SPAG9: variants seen among roughly 807,000 people sequenced by gnomAD.
SPAG9 encodes the protein sperm associated antigen 9.
SPAG9 carries 35 observed loss-of-function variants against 166.5 expected under a neutral mutation model. The observed-to-expected ratio is 0.21, with a 90% CI of 0.16 to 0.28. SPAG9 has a LOEUF of 0.28. Among genes scored for constraint, SPAG9 ranks in the 10% least tolerant of loss-of-function variants. The probability of loss-of-function intolerance (pLI) is 1.00; values close to 1 mark genes in which losing one functional copy is unlikely to be tolerated. For synonymous variants in SPAG9, 534 were observed against 565.5 expected (o/e 0.94, Z 0.79); for missense variants, 1,235 against 1,603.3 (o/e 0.77, Z 3.92).
intron 22 of SPAG9, among the ~76,000 whole-genome samples, chr17:50,986,233 T>C (rs138899863): frequency 6.6e-6 from 1 of 151,984 alleles, no homozygotes; most frequent in East Asian, 1.9e-4. Context: ...AAAGTGTGTG[T>C]GGGGGGGAAA....
intron 2 of SPAG9, among the ~76,000 whole-genome samples, chr17:51,079,373 G>C (rs2048101750): frequency 6.6e-6 from 1 of 151,970 alleles, no homozygotes; most frequent in Admixed American, 6.6e-5. Flanking sequence ...TAAGTAGCTG[G>C]GATTACAGTC....
chr17:51,098,488 T>C (rs1331461727), intron 1 of SPAG9, among the ~76,000 whole-genome samples: 3 of 152,040 alleles, frequency 2.0e-5, no homozygotes, highest in African/African-American at 7.2e-5. Context: ...AAATGGGTTT[T>C]TACTTATTTA....
At chr17:51,103,119 CT>C (rs34529580) in intron 1 of SPAG9, among the ~76,000 whole-genome samples, 1 of 152,028 alleles carries the variant, frequency 6.6e-6, no homozygotes, top group Non-Finnish European at 1.5e-5. Flanking sequence ...TATTGAAAAA[CT>C]TTTTGGAAGT....
chr17:50,975,597 G>C (rs1974152441), intron 27 of SPAG9, among the ~76,000 whole-genome samples: 1 of 152,014 alleles, frequency 6.6e-6, no homozygotes, highest in Non-Finnish European at 1.5e-5. Flanking sequence ...AGCTTTAAGA[G>C]ATGTTTCATG....
intron 29 of SPAG9, 77 bp downstream of exon 29, chr17:50,970,630 G>A: frequency 8.3e-7 from 1 of 1,204,166 alleles, no homozygotes; most frequent in South Asian, 1.6e-5. Context: ...TTATCAGAGT[G>A]GTTTCTTATT....
intron 6 of SPAG9, among the ~76,000 whole-genome samples, chr17:51,030,070 T>C (rs754003942): frequency 7.9e-5 from 12 of 152,184 alleles, no homozygotes; most frequent in African/African-American, 2.4e-5. Flanking sequence ...GCCATTTTCT[T>C]ATGGGTTTTA....
rs774597685 is a variant in SPAG9 at position 50,979,822 on chromosome 17, C to T, written c.3333G>A (p.Thr1111=). The T allele has an allele frequency of 1.5e-5, 24 of 1,613,972 alleles. No homozygotes were observed. Among genetic ancestry groups the T allele is most frequent in the East Asian group, 2.2e-5 (1 of 44,898 alleles). Reference sequence around the variant, plus strand: ...AAGTGTGTGCATGATAGAGACGGAGCGTAGAATCCAAGCGAATGGAGACCC... The same window carrying T: ...AAGTGTGTGCATGATAGAGACGGAGTGTAGAATCCAAGCGAATGGAGACCC... The part of the protein sequence containing the change: ...GVWVSIRLDS[T]LRLYHAHTYQ... The change falls in exon 26 of 30, where the codon ACG becomes ACA. Residue 1111 remains threonine (T), a synonymous_variant. Transcript: ENST00000262013.
At chr17:51,070,630 C>T (rs1433624248) in intron 2 of SPAG9, among the ~76,000 whole-genome samples, 1 of 151,852 alleles carries the variant, frequency 6.6e-6, no homozygotes, top group East Asian at 1.9e-4. Context: ...CTCTTCATTC[C>T]ACAAAGGATT....
At chr17:51,043,763 A>T (rs1329671740) in intron 4 of SPAG9, among the ~76,000 whole-genome samples, 2 of 152,250 alleles carry the variant, frequency 1.3e-5, no homozygotes, top group East Asian at 3.8e-4. Context: ...ACAACCAGGA[A>T]GATGATATAC....
chr17:51,086,568 G>A (rs971826502), intron 1 of SPAG9, among the ~76,000 whole-genome samples: 5 of 151,910 alleles, frequency 3.3e-5, no homozygotes, highest in Non-Finnish European at 7.4e-5. Context: ...CACAAGAATC[G>A]CTTGAACCCA....
intron 3 of SPAG9, 22 bp from the exon 4 acceptor site, chr17:51,047,491 T>A (rs774446504): frequency 5.6e-6 from 5 of 886,790 alleles, no homozygotes; most frequent in Non-Finnish European, 1.7e-6. Context: ...AAAGAAAAAA[T>A]ACACAATATT....
At chr17:51,053,031 G>A (rs534009113) in intron 3 of SPAG9, among the ~76,000 whole-genome samples, 5 of 151,798 alleles carry the variant, frequency 3.3e-5, no homozygotes, top group African/African-American at 1.2e-4. Context: ...CCTGGCGACA[G>A]AGCAAGACCC....
intron 4 of SPAG9, 145 bp from the exon 5 acceptor site, chr17:51,041,796 T>C (rs1016867643): frequency 2.7e-6 from 2 of 744,846 alleles, no homozygotes; most frequent in Admixed American, 2.6e-5. Flanking sequence ...TAAAACAGAC[T>C]TACCAAAGAG....
At chr17:51,064,865 T>C (rs903816534) in intron 2 of SPAG9, among the ~76,000 whole-genome samples, 3 of 152,190 alleles carry the variant, frequency 2.0e-5, no homozygotes, top group African/African-American at 4.8e-5. Flanking sequence ...CTCAGGCCTG[T>C]AATCCCAGCA....
chr17:51,007,680 CAT>C (rs1171016412), intron 9 of SPAG9, among the ~76,000 whole-genome samples: 1 of 152,082 alleles, frequency 6.6e-6, no homozygotes, highest in African/African-American at 2.4e-5. Flanking sequence ...TCCAACACTA[CAT>C]AGGGTAAAAA....
Position 51,021,262 on chromosome 17 carries a change from T to C in SPAG9, c.887A>G (p.Glu296Gly), listed in dbSNP as rs1167496556. 6.2e-7 allele frequency: 1 copy of C among 1,614,160 alleles called. No individual in the cohort carries two copies. Among genetic ancestry groups the C allele is most frequent in the Admixed American group, 1.7e-5 (1 of 60,030 alleles). ...AACCTTCACAAATCCTTCGTTTTCT[T>C]CCTTTAAGGGAGTATCAGTAGGAAT... ...ATIPTDTPLK[E>G]ENEGFVKVTD... Residue 296 changes from glutamate (E) to glycine (G), a missense_variant, in exon 7 of 30, where the codon GAA (glutamate) becomes GGA (glycine). Coordinates refer to ENST00000262013, the MANE Select transcript of SPAG9 (RefSeq NM_001130528.3).
At chr17:51,099,386 T>C (rs1174520833) in intron 1 of SPAG9, among the ~76,000 whole-genome samples, 1 of 130,888 alleles carries the variant, frequency 7.6e-6, no homozygotes. Flanking sequence ...TGAGCCGAGA[T>C]AGCGCCATTG....
At chr17:50,972,556 C>T (rs1381982603) in intron 28 of SPAG9, among the ~76,000 whole-genome samples, 1 of 152,216 alleles carries the variant, frequency 6.6e-6, no homozygotes, top group Admixed American at 6.5e-5. Context: ...AATCTCTAAG[C>T]CAACCCTCTT....
intron 1 of SPAG9, among the ~76,000 whole-genome samples, chr17:51,096,431 T>C (rs9916557): frequency 0.05 from 7,538 of 152,166 alleles, 554 homozygotes; most frequent in African/African-American, 0.16. Context: ...AGTCTGATAG[T>C]GCAGGAAGTG....
Sources: gnomAD v4.1 joint callset for allele counts (sites outside exome capture counted in the v4.1 genomes callset) on GRCh38, gnomAD v4.1.1 for gene constraint, MANE v1.5 for transcripts, NCBI Gene and HGNC (gene_info 2026-07-23, HGNC 2026-07-21) for gene names.